ABCB9: variants seen among roughly 807,000 people sequenced by gnomAD.
ABCB9 encodes the protein ABC-type oligopeptide transporter ABCB9.
Under a neutral mutation model 62.0 loss-of-function variants are expected in ABCB9, and 36 were observed. That is an observed-to-expected ratio of 0.58 (90% CI 0.45 to 0.77). The LOEUF (loss-of-function observed/expected upper bound fraction) is 0.77, where lower values mean the gene tolerates loss of function less well. ABCB9 is among the 30% of genes least tolerant of loss of function. The pLI is 0.00. For synonymous variants in ABCB9, 435 were observed against 461.4 expected, an observed-to-expected ratio of 0.94 and a Z score of 0.73; for missense variants, 943 against 1,054.7, an observed-to-expected ratio of 0.89 and a Z score of 1.47.
In ABCB9 at chr12:122,940,663, C is replaced by G; in HGVS notation, c.1569+144G>C. The G allele has an allele frequency of 9.7e-7, 1 of 1,030,164 alleles. No homozygotes were observed. Among genetic ancestry groups the G allele is most frequent in the Non-Finnish European group, 1.4e-6 (1 of 731,434 alleles). The allele number at this position is 1,030,164 out of a possible 1,614,324, so 63.8% of individuals were successfully genotyped here. A position where few individuals can be genotyped will look rare whatever the true frequency, so the allele number is the denominator to read the frequency against. ...CATTCTGTTAAGTATCTGTCTTCCC[C>G]AACTGGAGCCCAAAACTCCTGGAGG... is the stretch of plus-strand genomic sequence containing the variant. On this transcript the variant is annotated intron_variant, in intron 8 of 11. Transcript: ENST00000280560. This position sits in a 1 kb window ranked among gnomAD's most constrained non-coding sequence, Gnocchi z 4.8.
chr12:122,971,365 C>T (rs555289253), upstream of ABCB9, among the ~76,000 whole-genome samples: 112 of 132,540 alleles, frequency 8.5e-4, no homozygotes, highest in Non-Finnish European at 1.4e-3. Context: ...CCAGCCTGGG[C>T]GACAGAGTGA....
At chr12:122,955,295 G>A (rs913317789) in intron 2 of ABCB9, among the ~76,000 whole-genome samples, 4 of 152,186 alleles carry the variant, frequency 2.6e-5, no homozygotes, top group African/African-American at 7.2e-5. Flanking sequence ...CCTGCAAGCC[G>A]GGAAAATCTG....
In ABCB9 at chr12:122,929,233, C is replaced by G. The variant is rs1168883792; in HGVS notation, c.*678G>C. 5.1e-6 allele frequency: 5 copies of G among 986,118 alleles called. No homozygotes were observed. Among genetic ancestry groups the G allele is most frequent in the Non-Finnish European group, 6.0e-6 (5 of 830,162 alleles). The allele number at this position is 986,118 out of a possible 1,614,324, so 61.1% of individuals were successfully genotyped here. A position where few individuals can be genotyped will look rare whatever the true frequency, so the allele number is the denominator to read the frequency against. On this transcript the variant is annotated 3_prime_UTR_variant, in exon 12 of 12. Transcript: ENST00000280560. The surrounding 1 kb of genome is among the most constrained non-coding windows in gnomAD (Gnocchi z 6.0). ...CGCTGGGTGCCGGGCTGGGGGCACC[C>G]CTGAGGCCCCTCCAGACCTGGCCAG...
chr12:122,919,922 T>G (rs1482559359), downstream of ABCB9, among the ~76,000 whole-genome samples: 1 of 139,548 alleles, frequency 7.2e-6, no homozygotes, highest in Non-Finnish European at 1.6e-5. Flanking sequence ...TATTTATTTA[T>G]TTTAGATGGA....
upstream of ABCB9, among the ~76,000 whole-genome samples, chr12:122,967,255 G>T (rs1566203562): frequency 6.6e-6 from 1 of 152,208 alleles, no homozygotes; most frequent in Non-Finnish European, 1.5e-5. Context: ...GGTACTGGAT[G>T]CAGTAAAATA....
rs1184135639 is a variant in ABCB9 at position 122,940,579 on chromosome 12, G to A, written c.1569+228C>T. The stretch of plus-strand genomic sequence containing the variant: ...TCTTGACTGTTACCACCATTCCCAT[G>A]GACCATCCCTACCACAGCACCCTGA... On this transcript the variant is annotated intron_variant, in intron 8 of 11. Transcript: ENST00000280560. This position sits in a 1 kb window ranked among gnomAD's most constrained non-coding sequence, Gnocchi z 4.8. Among the ~76,000 whole-genome samples the A allele has an allele frequency of 1.3e-5, 2 of 152,074 alleles. No individual in the cohort carries two copies. The highest frequency in any genetic ancestry group is 4.8e-5 in the African/African-American group (2 of 41,392).
At chr12:122,954,285 A>C (rs1487674895) in intron 2 of ABCB9, among the ~76,000 whole-genome samples, 1 of 151,902 alleles carries the variant, frequency 6.6e-6, no homozygotes, top group African/African-American at 2.4e-5. Context: ...CTCCACTCAC[A>C]GCAACCTCTG....
At chr12:122,971,600 T>C (rs59081274) in intron 1 of ABCB9, among the ~76,000 whole-genome samples, 6,818 of 151,630 alleles carry the variant, frequency 0.045, 498 homozygotes, top group African/African-American at 0.15. Flanking sequence ...ATCATAGGTG[T>C]GCCACCACAA....
At position 122,940,346 on chromosome 12, in the gene ABCB9, T is replaced by G; in HGVS notation, c.1570-62A>C. ...GCTCAGGTCCCAGGACTGGATGCCC[T>G]GACCTTGGACACAGGTGGGTGCCCT... On this transcript the variant is annotated intron_variant, in intron 8 of 11. Transcript: ENST00000280560. The surrounding 1 kb of genome is among the most constrained non-coding windows in gnomAD (Gnocchi z 4.8). 2.7e-6 allele frequency: 4 copies of G among 1,507,172 alleles called. No homozygotes were observed. The highest frequency in any genetic ancestry group is 2.4e-4 in the Middle Eastern group (1 of 4,092). The allele number at this position is 1,507,172 out of a possible 1,614,324, so 93.4% of individuals were successfully genotyped here.
chr12:122,932,457 A>G lies in ABCB9; in HGVS notation c.1904-129T>C. ...AACCCACAACTTGAAAGCTCATGAA[A>G]TGATGTTCCCCCCACCCAACTCATA... is the stretch of plus-strand genomic sequence containing the variant. On this transcript the variant is annotated intron_variant, in intron 10 of 11. Coordinates refer to ENST00000280560, the MANE Select transcript of ABCB9 (RefSeq NM_019625.4). The surrounding 1 kb of genome is among the most constrained non-coding windows in gnomAD (Gnocchi z 4.7). 1 of 1,257,142 alleles carries G rather than the reference A, an allele frequency of 8.0e-7. No individual in the cohort carries two copies. Among genetic ancestry groups the G allele is most frequent in the Non-Finnish European group, 1.1e-6 (1 of 934,572 alleles). 77.9% of individuals were successfully genotyped at this position (1,257,142 alleles called of 1,614,324 possible). A position where few individuals can be genotyped will look rare whatever the true frequency, so the allele number is the denominator to read the frequency against.
At chr12:122,951,060 C>T (rs2036342640) in intron 2 of ABCB9, 1 of 143,798 alleles carries the variant, frequency 7.0e-6, no homozygotes, top group Non-Finnish European at 1.5e-5. Context: ...GTGGCCCAAG[C>T]TGGTCTCAAC....
At chr12:122,928,195 C>A (rs60739634), downstream of ABCB9, among the ~76,000 whole-genome samples, 4,573 of 152,168 alleles carry the variant, frequency 0.03, 212 homozygotes, top group African/African-American at 0.1. Flanking sequence ...GCTGGCCAGG[C>A]GCGGTGGCTC....
intron 2 of ABCB9, among the ~76,000 whole-genome samples, chr12:122,956,846 C>T (rs550290759): frequency 1.2e-4 from 18 of 151,664 alleles, no homozygotes; most frequent in East Asian, 5.8e-4. Flanking sequence ...TTAGCAGAGA[C>T]GGGGTTTCAC....
chr12:122,935,560 A>T, intron 9 of ABCB9, 129 bp from the exon 10 acceptor site: 1 of 1,090,922 alleles, frequency 9.2e-7, no homozygotes, highest in Non-Finnish European at 1.3e-6. Context: ...GGGCCCAGTG[A>T]CTGCACTGAG....
intron 7 of ABCB9, among the ~76,000 whole-genome samples, chr12:122,943,766 C>A (rs2035891066): frequency 1.3e-5 from 2 of 151,244 alleles, no homozygotes; most frequent in Admixed American, 6.6e-5. Context: ...AGGTGTGAGC[C>A]ACCGCACCTG....
At chr12:122,968,929 C>T (rs1379484255), upstream of ABCB9, among the ~76,000 whole-genome samples, 1 of 152,142 alleles carries the variant, frequency 6.6e-6, no homozygotes, top group Non-Finnish European at 1.5e-5. Context: ...TGTACCTTTG[C>T]ATAGCTTGTC....
rs1248096493 is a variant in ABCB9 at position 122,935,254 on chromosome 12, C to A, written c.1903+18G>T. 2 of 1,590,286 alleles carry A rather than the reference C, an allele frequency of 1.3e-6. No individual in the cohort carries two copies. The highest frequency in any genetic ancestry group is 2.3e-5 in the East Asian group (1 of 43,806). On this transcript the variant is annotated intron_variant, in intron 10 of 11. Coordinates refer to ENST00000280560, the MANE Select transcript of ABCB9 (RefSeq NM_019625.4). The stretch of plus-strand genomic sequence containing the variant: ...TGACCCTGTGGGCCCAGGAGAGGGG[C>A]CACCCCCAGCTCCACACCTGTGCTG...
At chr12:122,928,651 G>C (rs2034976414), downstream of ABCB9, among the ~76,000 whole-genome samples, 1 of 152,154 alleles carries the variant, frequency 6.6e-6, no homozygotes, top group African/African-American at 2.4e-5. Flanking sequence ...TTACTGCATG[G>C]ATTGGGGTGG....
At chr12:122,974,987 A>G (rs2037365450) in exon 1 of ABCB9, 1 of 345,994 alleles carries the variant, frequency 2.9e-6, no homozygotes, top group East Asian at 4.5e-5. Context: ...TGAAGGCACG[A>G]CCCAGTTCAG....
Sources: allele counts gnomAD v4.1 joint callset (sites outside exome capture counted in the v4.1 genomes callset), GRCh38; gene constraint gnomAD v4.1.1; non-coding constraint Gnocchi (gnomAD v3.1); transcripts MANE v1.5; gene names NCBI Gene and HGNC (gene_info 2026-07-23, HGNC 2026-07-21).